DAAM1: variants seen among roughly 807,000 people sequenced by gnomAD.
DAAM1 encodes disheveled-associated activator of morphogenesis 1.
In DAAM1, 52 loss-of-function variants were observed where a neutral mutation model predicts 130.0. That is an observed-to-expected ratio of 0.40 (90% confidence interval 0.32 to 0.50). DAAM1 has a LOEUF of 0.50. DAAM1 is among the 20% of genes least tolerant of loss of function. DAAM1 has a pLI of 0.61. For synonymous variants in DAAM1, 452 were observed against 444.5 expected (o/e 1.02, Z -0.21); for missense variants, 1,134 against 1,303.8 (o/e 0.87, Z 2.01).
chr14:59,287,425 G>A (rs1333876946), intron 2 of DAAM1, among the ~76,000 whole-genome samples: 3 of 152,178 alleles, frequency 2.0e-5, no homozygotes, highest in East Asian at 3.8e-4. Context: ...TATTGGAATT[G>A]CTAGCCAGAG....
chr14:59,368,105 T>TTTAAAAAGTTCACAGTAGTAGAATTAA (rs1245670932), intron 24 of DAAM1, among the ~76,000 whole-genome samples: 7 of 152,178 alleles, frequency 4.6e-5, no homozygotes, highest in African/African-American at 1.7e-4. Flanking sequence ...GTGATAAACC[T>TTTAAAAAGTTCACAGTAGTAGAATTAA]TTAAAAAGTT....
At position 59,334,716 on chromosome 14, in the gene DAAM1, C is replaced by T. The variant is rs145743849; in HGVS notation, c.1968+2796C>T. 2.4e-3 allele frequency among the ~76,000 whole-genome samples: 365 copies of T among 152,262 alleles called. 1 individual carries two copies. Among genetic ancestry groups the T allele is most frequent in the African/African-American group, 8.3e-3 (345 of 41,548 alleles). ...GTATATGCACACACATATATGCTTA[C>T]ACATATCTGCATAAAATATATCCAG... is the stretch of plus-strand genomic sequence containing the variant. On this transcript the variant is annotated intron_variant, in intron 15 of 24. Coordinates refer to ENST00000360909, the MANE Select transcript of DAAM1 (RefSeq NM_001270520.2).
At chr14:59,210,350 CTT>C (rs1888390955) in intron 1 of DAAM1, among the ~76,000 whole-genome samples, 3 of 152,294 alleles carry the variant, frequency 2.0e-5, no homozygotes, top group South Asian at 2.1e-4. Flanking sequence ...TTAAATATAA[CTT>C]TCCTCCCTAG....
chr14:59,227,514 CA>C (rs1888977418), intron 1 of DAAM1, among the ~76,000 whole-genome samples: 1 of 152,206 alleles, frequency 6.6e-6, no homozygotes, highest in African/African-American at 2.4e-5. Context: ...TTTGTTCCAA[CA>C]CCTAATATTC....
intron 1 of DAAM1, among the ~76,000 whole-genome samples, chr14:59,262,052 CT>C (rs761447091): frequency 0.066 from 9,680 of 147,338 alleles, 388 homozygotes; most frequent in Non-Finnish European, 0.096. Context: ...CTCATCCCAC[CT>C]TTTTTTTTTT....
At chr14:59,246,501 T>C (rs1881387285) in intron 1 of DAAM1, among the ~76,000 whole-genome samples, 1 of 152,222 alleles carries the variant, frequency 6.6e-6, no homozygotes, top group Non-Finnish European at 1.5e-5. Context: ...TGAATAATGC[T>C]GTGATAAACA....
At chr14:59,339,981 T>C (rs143446783) in intron 15 of DAAM1, 93 bp from the exon 16 acceptor site, 9 of 1,043,158 alleles carry the variant, frequency 8.6e-6, no homozygotes, top group Non-Finnish European at 1.3e-5. Flanking sequence ...AGTGTGTGTA[T>C]GTGTATATGA....
chr14:59,366,968 T>TAAGA (rs1463688473), intron 23 of DAAM1, among the ~76,000 whole-genome samples: 15 of 147,764 alleles, frequency 1.0e-4, no homozygotes, highest in African/African-American at 3.5e-4. Context: ...GGGCAACATG[T>TAAGA]AAGACCCCAT....
chr14:59,271,346 G>T (rs531127078), intron 2 of DAAM1, among the ~76,000 whole-genome samples: 1 of 151,950 alleles, frequency 6.6e-6, no homozygotes, highest in African/African-American at 2.4e-5. Context: ...GGTGGATACT[G>T]TAGGATGATA....
intron 1 of DAAM1, among the ~76,000 whole-genome samples, chr14:59,251,974 T>C (rs1220502408): frequency 6.6e-6 from 1 of 152,218 alleles, no homozygotes; most frequent in Non-Finnish European, 1.5e-5. Context: ...CTCAGCGTGC[T>C]GCCCCAAATG....
intron 1 of DAAM1, among the ~76,000 whole-genome samples, chr14:59,248,184 A>G (rs1881478498): frequency 6.6e-6 from 1 of 152,238 alleles, no homozygotes; most frequent in Non-Finnish European, 1.5e-5. Flanking sequence ...GTTGTCTTGA[A>G]TTATCCAATA....
chr14:59,347,675 G>C (rs1339616648), intron 17 of DAAM1, 52 bp downstream of exon 17: 2 of 1,548,934 alleles, frequency 1.3e-6, no homozygotes, highest in African/African-American at 1.4e-5. Context: ...CCATCAACAG[G>C]GAGAGGGATG....
intron 1 of DAAM1, among the ~76,000 whole-genome samples, chr14:59,260,201 T>C (rs370974999): frequency 6.6e-6 from 1 of 152,252 alleles, no homozygotes; most frequent in African/African-American, 2.4e-5. Flanking sequence ...ATATTTTTGA[T>C]AGGAACATTT....
chr14:59,291,434 G>T, intron 3 of DAAM1, 128 bp downstream of exon 3: 1 of 726,542 alleles, frequency 1.4e-6, no homozygotes, highest in Non-Finnish European at 2.2e-6. Context: ...TTATGTTGTG[G>T]CTGTGGTGCT....
chr14:59,288,867 G>A (rs569749748), intron 2 of DAAM1, among the ~76,000 whole-genome samples: 2 of 151,998 alleles, frequency 1.3e-5, no homozygotes, highest in East Asian at 1.9e-4. Context: ...GAGAGCGCGC[G>A]AAGGGGGCAG....
rs761447091 is a variant in DAAM1, at chr14:59,262,052, C to CT, written c.-37-1378dup. Among the ~76,000 whole-genome samples the CT allele has an allele frequency of 2.5e-3, 370 of 147,468 alleles. 1 individual carries two copies. Among genetic ancestry groups the CT allele is most frequent in the Admixed American group, 4.7e-3 (70 of 14,766 alleles). The stretch of plus-strand genomic sequence containing the variant: ...CTTGAAGGACCAATTCTCATCCCAC[C>CT]TTTTTTTTTTTCTTTTAACCTCATC... On this transcript the variant is annotated intron_variant, in intron 1 of 24. Coordinates refer to ENST00000360909, the MANE Select transcript of DAAM1 (RefSeq NM_001270520.2).
At chr14:59,367,329 A>G in intron 23 of DAAM1, 100 bp from the exon 24 acceptor site, 4 of 1,479,314 alleles carry the variant, frequency 2.7e-6, no homozygotes, top group Non-Finnish European at 3.6e-6. Context: ...AACAAAACTT[A>G]CGTTTGACTC....
intron 12 of DAAM1, among the ~76,000 whole-genome samples, chr14:59,329,464 TG>T (rs992877799): frequency 2.0e-4 from 30 of 152,252 alleles, no homozygotes; most frequent in African/African-American, 6.7e-4. Context: ...AACTCTAATT[TG>T]GGGGAACTCA....
intron 1 of DAAM1, among the ~76,000 whole-genome samples, chr14:59,197,950 A>C (rs746036966): frequency 6.6e-6 from 1 of 152,178 alleles, no homozygotes; most frequent in African/African-American, 2.4e-5. Context: ...GAAGGCTTAC[A>C]TTGTAATTCT....
Sources: allele counts gnomAD v4.1 joint callset (sites outside exome capture counted in the v4.1 genomes callset), GRCh38; gene constraint gnomAD v4.1.1; transcripts MANE v1.5; gene names NCBI Gene and HGNC (gene_info 2026-07-23, HGNC 2026-07-21).